The following PDZRN3 variants were observed in gnomAD, a reference collection of about 807,000 sequenced individuals.
PDZRN3 encodes the protein PDZ domain containing ring finger 3.
In PDZRN3, 38 loss-of-function variants were observed where a neutral mutation model predicts 85.7. The observed-to-expected ratio is 0.44, with a 90% CI of 0.34 to 0.58. PDZRN3 has a LOEUF of 0.58. Among genes scored for constraint, PDZRN3 ranks in the 20% least tolerant of loss-of-function variants. PDZRN3 has a pLI of 0.01. For synonymous variants in PDZRN3, 759 were observed against 638.0 expected (o/e 1.19, Z -2.86); for missense variants, 1,629 against 1,506.4 (o/e 1.08, Z -1.35).
chr3:73,401,918 G>A (rs887622499), intron 4 of PDZRN3: 6 of 152,232 alleles, frequency 3.9e-5, no homozygotes, highest in African/African-American at 7.2e-5. Flanking sequence ...CAGGCACTTA[G>A]TTTTGAAACA....
rs1703289763 is a variant in PDZRN3, at chr3:73,383,279, T to C, written c.*86A>G. The C allele has an allele frequency of 3.9e-6, 5 of 1,272,822 alleles. No individual in the cohort carries two copies. The South Asian group carries it at 4.3e-5, about 11-fold the overall frequency. The allele number at this position is 1,272,822 out of a possible 1,614,324, so 78.8% of individuals were successfully genotyped here. On this transcript the variant is annotated 3_prime_UTR_variant, in exon 10 of 10. Transcript: ENST00000263666. ...ACATGAAGACCGTACTTATCTTATA[T>C]ACAAAAACTTGCCGCATTGAACGAG...
intron 3 of PDZRN3, among the ~76,000 whole-genome samples, chr3:73,540,087 G>GAAA (rs1168662549): frequency 5.8e-3 from 287 of 49,852 alleles, no homozygotes; most frequent in Non-Finnish European, 7.7e-3. Flanking sequence ...ACTGTTGGAT[G>GAAA]AAAAAAAAAA....
intron 3 of PDZRN3, among the ~76,000 whole-genome samples, chr3:73,554,170 G>A (rs4077474): frequency 0.015 from 2,306 of 152,186 alleles, 63 homozygotes; most frequent in African/African-American, 0.053. Flanking sequence ...CCTGGTGAAG[G>A]GGAACGTGTA....
intron 3 of PDZRN3, among the ~76,000 whole-genome samples, chr3:73,497,004 A>C (rs1351993967): frequency 6.6e-6 from 1 of 152,242 alleles, no homozygotes; most frequent in Non-Finnish European, 1.5e-5. Flanking sequence ...TTAACAAATG[A>C]ACTAAATTAT....
chr3:73,447,830 C>A (rs899058524), intron 3 of PDZRN3, among the ~76,000 whole-genome samples: 5 of 152,180 alleles, frequency 3.3e-5, no homozygotes, highest in African/African-American at 1.2e-4. Context: ...TAACACCTGA[C>A]CCTGTTGACT....
intron 3 of PDZRN3, among the ~76,000 whole-genome samples, chr3:73,483,879 AAAGTG>A (rs1703614352): frequency 6.6e-6 from 1 of 152,244 alleles, no homozygotes; most frequent in African/African-American, 2.4e-5. Flanking sequence ...GAGGCCAGGC[AAAGTG>A]ACTAGAACCA....
At chr3:73,473,776 G>A (rs1703395536) in intron 3 of PDZRN3, among the ~76,000 whole-genome samples, 1 of 152,168 alleles carries the variant, frequency 6.6e-6, no homozygotes, top group African/African-American at 2.4e-5. Flanking sequence ...AGAGCCATGG[G>A]AGTGAACCTC....
intron 3 of PDZRN3, among the ~76,000 whole-genome samples, chr3:73,517,113 C>T (rs150685272): frequency 1.2e-4 from 18 of 152,064 alleles, no homozygotes; most frequent in African/African-American, 4.1e-4. Flanking sequence ...TGTGTGTGTG[C>T]GTTTACCCTA....
chr3:73,471,699 T>C (rs1306692419), intron 3 of PDZRN3, among the ~76,000 whole-genome samples: 3 of 152,228 alleles, frequency 2.0e-5, no homozygotes, highest in Non-Finnish European at 4.4e-5. Flanking sequence ...GGCTTCTCCC[T>C]GCTTCTTGGC....
chr3:73,384,021 G>A lies in PDZRN3; in HGVS notation c.2545C>T (p.Pro849Ser), dbSNP rs1227132895. 1 of 1,590,868 alleles carries A rather than the reference G, an allele frequency of 6.3e-7. No individual in the cohort carries two copies. ...ERRASDGSRS[P>S]TPSQKLGSAY... Reference sequence around the variant, plus strand: ...CTGCCCAGCTTCTGGCTGGGCGTGGGGCTCCGGCTCCCGTCGCTGGCTCTC... The same window carrying A: ...CTGCCCAGCTTCTGGCTGGGCGTGGAGCTCCGGCTCCCGTCGCTGGCTCTC... Residue 849 changes from proline to serine, a missense_variant, in exon 10 of 10, where the codon CCC becomes TCC. Physicochemically the swap from Pro to Ser is moderately conservative, Grantham distance 74. Transcript: ENST00000263666.
intron 3 of PDZRN3, among the ~76,000 whole-genome samples, chr3:73,491,360 T>C (rs552517377): frequency 6.6e-6 from 1 of 152,298 alleles, no homozygotes; most frequent in African/African-American, 2.4e-5. Flanking sequence ...TGAATGCTTT[T>C]TGTACCACTC....
At chr3:73,589,922 T>C (rs1411814606) in intron 3 of PDZRN3, among the ~76,000 whole-genome samples, 1 of 152,138 alleles carries the variant, frequency 6.6e-6, no homozygotes, top group Non-Finnish European at 1.5e-5. Context: ...TATATATTCA[T>C]ATATATTTTA....
intron 3 of PDZRN3, among the ~76,000 whole-genome samples, chr3:73,456,942 A>G (rs976257462): frequency 1.5e-4 from 23 of 152,224 alleles, no homozygotes; most frequent in African/African-American, 5.1e-4. Context: ...GTAGGGGGAA[A>G]AAAAAAACAC....
At chr3:73,509,352 C>G (rs1219163621) in intron 3 of PDZRN3, among the ~76,000 whole-genome samples, 1 of 152,180 alleles carries the variant, frequency 6.6e-6, no homozygotes, top group Non-Finnish European at 1.5e-5. Flanking sequence ...GGACGCAGAC[C>G]CATGCGGTCT....
rs146622509 is a variant in PDZRN3, at chr3:73,384,796, G to A, written c.1770C>T (p.Gly590=). The change falls in exon 10 of 10, where the codon GGC becomes GGT. Residue 590 remains glycine (G), a synonymous_variant. Coordinates refer to ENST00000263666, the MANE Select transcript of PDZRN3 (RefSeq NM_015009.3). ...GGTTGGAGGATGCGGTGGCGTCGTC[G>A]CCATTGTTCTCTTGCTCCGAGCTCT... ...NDESSEQENN[G]DDATASSNPL... is the part of the protein sequence containing the mutation. The A allele has an allele frequency of 2.1e-4, 342 of 1,613,884 alleles. No individual in the cohort carries two copies. The highest frequency in any genetic ancestry group is 2.7e-4 in the Admixed American group (16 of 60,030).
intron 3 of PDZRN3, among the ~76,000 whole-genome samples, chr3:73,520,201 A>G (rs1199040252): frequency 6.6e-6 from 1 of 152,148 alleles, no homozygotes; most frequent in Non-Finnish European, 1.5e-5. Flanking sequence ...GCTGCTAATT[A>G]GCTATATCAA....
At position 73,591,967 on chromosome 3, in the gene PDZRN3, C is replaced by CGAAG. The variant is rs200773724; in HGVS notation, c.918+10386_918+10387insCTTC. ...GACCTATCTCATATTAGGCAGAACT[C>CGAAG]AGTGCACACCCAACAAGTGAACATA... On this transcript the variant is annotated intron_variant, in intron 3 of 9. Coordinates refer to ENST00000263666, the MANE Select transcript of PDZRN3 (RefSeq NM_015009.3). Among the ~76,000 whole-genome samples, 1,428 of 152,280 alleles carry CGAAG rather than the reference C, an allele frequency of 9.4e-3. 9 individuals carry two copies. The highest frequency in any genetic ancestry group is 0.017 in the Middle Eastern group (5 of 294).
chr3:73,594,625 T>C (rs149345599), intron 3 of PDZRN3, among the ~76,000 whole-genome samples: 296 of 152,288 alleles, frequency 1.9e-3, no homozygotes, highest in African/African-American at 6.9e-3. Context: ...CTGGGTCTCC[T>C]GATTTAAATC....
intron 3 of PDZRN3, among the ~76,000 whole-genome samples, chr3:73,425,613 A>G (rs11717221): frequency 0.097 from 14,303 of 148,182 alleles, 932 homozygotes; most frequent in African/African-American, 0.19. Flanking sequence ...AAAAAAAAAA[A>G]GAGAATCCCC....
Sources: gnomAD v4.1 joint callset for allele counts (sites outside exome capture counted in the v4.1 genomes callset) on GRCh38, gnomAD v4.1.1 for gene constraint, MANE v1.5 for transcripts, NCBI Gene and HGNC (gene_info 2026-07-23, HGNC 2026-07-21) for gene names.